Variants in FBRSL1 observed in about 807,000 individuals in gnomAD.
FBRSL1 encodes the protein fibrosin-1-like protein.
Under a neutral mutation model 89.6 loss-of-function variants are expected in FBRSL1, and 51 were observed. That is an observed-to-expected ratio of 0.57 (90% CI 0.45 to 0.72). The LOEUF (loss-of-function observed/expected upper bound fraction) is 0.72. FBRSL1 is among the 30% of genes least tolerant of loss of function. FBRSL1 has a pLI of 0.00. For synonymous variants in FBRSL1, 779 were observed against 681.1 expected, an observed-to-expected ratio of 1.14 and a Z score of -2.24; for missense variants, 1,618 against 1,451.8, an observed-to-expected ratio of 1.11 and a Z score of -1.86.
intron 2 of FBRSL1, among the ~76,000 whole-genome samples, chr12:132,524,958 G>A (rs952128166): frequency 5.3e-5 from 8 of 152,144 alleles, no homozygotes; most frequent in African/African-American, 7.2e-5. Context: ...GTTTCTACTC[G>A]GGGCCACCGT....
At chr12:132,519,598 G>C (rs762549337) in intron 2 of FBRSL1, among the ~76,000 whole-genome samples, 5 of 152,286 alleles carry the variant, frequency 3.3e-5, no homozygotes, top group South Asian at 2.1e-4. Flanking sequence ...CCTGAGCTTC[G>C]AGCTGTGGGT....
intron 4 of FBRSL1, among the ~76,000 whole-genome samples, chr12:132,547,177 G>C (rs1054941004): frequency 6.6e-6 from 1 of 151,804 alleles, no homozygotes; most frequent in Non-Finnish European, 1.5e-5. Flanking sequence ...TGTGTTCTTC[G>C]TAGGGCTCTG....
At chr12:132,522,423 T>C (rs1384219554) in intron 2 of FBRSL1, among the ~76,000 whole-genome samples, 2 of 152,152 alleles carry the variant, frequency 1.3e-5, no homozygotes, top group Admixed American at 6.5e-5. Context: ...GGAGCCACCA[T>C]GTTCCTACGG....
At chr12:132,503,110 C>T (rs2033228208) in intron 1 of FBRSL1, among the ~76,000 whole-genome samples, 1 of 145,928 alleles carries the variant, frequency 6.9e-6, no homozygotes, top group Non-Finnish European at 1.5e-5. Context: ...TGCCCCGCCT[C>T]CCACCCCACC....
chr12:132,519,896 T>C (rs2035191408), intron 2 of FBRSL1, among the ~76,000 whole-genome samples: 1 of 83,026 alleles, frequency 1.2e-5, no homozygotes, highest in South Asian at 4.1e-4. Context: ...CAAGACTCTG[T>C]CTCAAAAAAA....
intron 15 of FBRSL1, among the ~76,000 whole-genome samples, chr12:132,579,953 A>G (rs2138109050): frequency 6.6e-6 from 1 of 152,188 alleles, no homozygotes; most frequent in African/African-American, 2.4e-5. Context: ...GATTTGGGGC[A>G]GGCTCCGTAG....
chr12:132,540,929 A>G (rs1192542064), intron 4 of FBRSL1, among the ~76,000 whole-genome samples: 1 of 152,122 alleles, frequency 6.6e-6, no homozygotes, highest in Non-Finnish European at 1.5e-5. Context: ...CTGCTTCCTC[A>G]CCTATGAAAT....
At chr12:132,516,478 C>A (rs1347745027) in intron 2 of FBRSL1, among the ~76,000 whole-genome samples, 1 of 152,168 alleles carries the variant, frequency 6.6e-6, no homozygotes, top group Non-Finnish European at 1.5e-5. Flanking sequence ...CCACCACGCC[C>A]GGCTTAGATA....
Position 132,583,656 on chromosome 12 carries a change from G to GCCGGGCCCCCCACGCCCC in FBRSL1, c.2895_2912dup (p.Thr967_Pro972dup). The GCCGGGCCCCCCACGCCCC allele has an allele frequency of 9.5e-7, 1 of 1,051,612 alleles. No individual in the cohort carries two copies. The highest frequency in any genetic ancestry group is 1.1e-6 in the Non-Finnish European group (1 of 871,916). The allele number at this position is 1,051,612 out of a possible 1,614,324, so 65.1% of individuals were successfully genotyped here. A position where few individuals can be genotyped will look rare whatever the true frequency, so the allele number is the denominator to read the frequency against. On this transcript the variant is annotated inframe_insertion, in exon 19 of 19. Coordinates refer to ENST00000680143, the MANE Select transcript of FBRSL1 (RefSeq NM_001367871.1). ...CGCACCGCCCCCCCTGGTGACGGCG[G>GCCGGGCCCCCCACGCCCC]CCGGGCCCCCCACGCCCCCCGGGCC...
In FBRSL1 at chr12:132,570,146, G is replaced by T. The variant is rs3751314; in HGVS notation, c.912G>T (p.Pro304=). ...PHRHTPQPPP[P]QPRGLLPTHV... ...GCCACACCCCGCAGCCGCCACCCCC[G>T]CAGCCCCGCGGCCTGCTCCCGACAC... is the stretch of plus-strand genomic sequence containing the variant. The change falls in exon 7 of 19, where the codon CCG becomes CCT. Residue 304 remains proline, a synonymous_variant. Transcript: ENST00000680143. The T allele has an allele frequency of 1.4e-6, 2 of 1,478,084 alleles. No individual in the cohort carries two copies. The highest frequency in any genetic ancestry group is 1.8e-6 in the Non-Finnish European group (2 of 1,124,192). 91.6% of individuals were successfully genotyped at this position (1,478,084 alleles called of 1,614,324 possible).
chr12:132,542,189 C>T (rs4883558), intron 4 of FBRSL1, among the ~76,000 whole-genome samples: 2,117 of 152,342 alleles, frequency 0.014, 43 homozygotes, highest in Admixed American at 0.054. Context: ...GGACGCGCCA[C>T]GGCACATGTG....
intron 14 of FBRSL1, among the ~76,000 whole-genome samples, chr12:132,575,312 C>T (rs2040313086): frequency 6.6e-6 from 1 of 152,224 alleles, no homozygotes; most frequent in Non-Finnish European, 1.5e-5. Flanking sequence ...ACTGCAAGCT[C>T]CGCCTCCCGG....
At chr12:132,528,702 A>G (rs7314941) in intron 4 of FBRSL1, among the ~76,000 whole-genome samples, 114,361 of 149,844 alleles carry the variant, frequency 0.76, 44,008 homozygotes, top group African/African-American at 0.91. Flanking sequence ...TGTGCCTGAG[A>G]GAAGCAGGTG....
chr12:132,510,328 A>G, intron 2 of FBRSL1: 1 of 1,230,280 alleles, frequency 8.1e-7, no homozygotes, highest in Non-Finnish European at 1.0e-6. Flanking sequence ...CCGGCCCGTC[A>G]GCCCCGGCTC....
intron 5 of FBRSL1, among the ~76,000 whole-genome samples, chr12:132,562,798 T>A (rs2039246851): frequency 6.6e-6 from 1 of 152,076 alleles, no homozygotes; most frequent in Non-Finnish European, 1.5e-5. Context: ...GACCTGCTGC[T>A]CTTCTCTGTG....
intron 2 of FBRSL1, among the ~76,000 whole-genome samples, chr12:132,516,568 G>T (rs1334147536): frequency 6.6e-6 from 1 of 152,210 alleles, no homozygotes; most frequent in Non-Finnish European, 1.5e-5. Flanking sequence ...CCCCCAGCCT[G>T]CTCAGCACCC....
intron 15 of FBRSL1, among the ~76,000 whole-genome samples, chr12:132,580,436 C>CTG (rs10668544): frequency 0.91 from 137,968 of 152,144 alleles, 62,730 homozygotes; most frequent in East Asian, 0.99. Flanking sequence ...GCTGCCTTCT[C>CTG]TGTGTGTTTC....
intron 5 of FBRSL1, chr12:132,560,010 T>C (rs1203684515): frequency 4.0e-5 from 6 of 148,568 alleles, no homozygotes; most frequent in East Asian, 2.0e-4. Context: ...GCGCCCGACG[T>C]CCGCCCGGGA....
intron 2 of FBRSL1, chr12:132,510,176 C>T: frequency 1.2e-5 from 15 of 1,231,476 alleles, no homozygotes; most frequent in Non-Finnish European, 1.5e-5. Context: ...TGCGGCCGCT[C>T]ATGGGCCCCA....
Sources: allele counts gnomAD v4.1 joint callset (sites outside exome capture counted in the v4.1 genomes callset), GRCh38; gene constraint gnomAD v4.1.1; transcripts MANE v1.5; gene names NCBI Gene and HGNC (gene_info 2026-07-23, HGNC 2026-07-21).